ASDURF: variants seen among roughly 807,000 people sequenced by gnomAD.
The protein encoded by ASDURF is ASDURF protein.
In ASDURF, 3 loss-of-function variants were observed where a neutral mutation model predicts 3.3. The ratio of observed to expected loss-of-function variants is 0.92; its 90% CI spans 0.42 to 2.37. The LOEUF (loss-of-function observed/expected upper bound fraction) is 2.37. Ranked by LOEUF, ASDURF falls within the 30% of genes most tolerant of loss-of-function variation. The pLI is 0.05. For missense variants in ASDURF, 23 were observed against 25.4 expected (o/e 0.90, Z 0.21); for synonymous variants, 11 against 8.3 (o/e 1.32, Z -0.55).
rs866862942 is a variant in ASDURF at position 189,662,225 on chromosome 2, G to A, written c.90+615G>A. Reference sequence around the variant, plus strand: ...ACTCATACCAAACTGGGGGAGAGAGGAAGCCAATATAATATAAGCCTTAAC... The same window carrying A: ...ACTCATACCAAACTGGGGGAGAGAGAAAGCCAATATAATATAAGCCTTAAC... On this transcript the variant is annotated intron_variant, in intron 1 of 3. Coordinates refer to ENST00000607829, the MANE Select transcript of ASDURF (RefSeq NM_001353493.2). Among the ~76,000 whole-genome samples the A allele has an allele frequency of 5.1e-4, 78 of 152,276 alleles. No homozygotes were observed. In the Middle Eastern group the frequency reaches 0.01, roughly 20 times the overall value.
intron 3 of ASDURF, among the ~76,000 whole-genome samples, 173 bp downstream of exon 3, chr2:189,665,624 ATATATATATATATATATATATATT>A (rs2032780544): frequency 8.2e-6 from 1 of 121,774 alleles, no homozygotes; most frequent in East Asian, 2.2e-4. Flanking sequence ...ATATATATAT[ATATATATATATATATATATATATT>A]ATAAATGTTT....
At chr2:189,665,629 T>A (rs1050403115) in intron 3 of ASDURF, among the ~76,000 whole-genome samples, 178 bp downstream of exon 3, 8 of 127,570 alleles carry the variant, frequency 6.3e-5, no homozygotes, top group Admixed American at 4.6e-4. Context: ...TATATATATA[T>A]ATATATATAT....
At chr2:189,664,685 G>A (rs1003314703) in intron 2 of ASDURF, among the ~76,000 whole-genome samples, 5 of 151,888 alleles carry the variant, frequency 3.3e-5, no homozygotes, top group Non-Finnish European at 5.9e-5. Flanking sequence ...GGAGGCAGAG[G>A]TTGCAGTGAG....
rs992200259 is a variant in ASDURF, at chr2:189,661,474, G to A, written c.-47G>A. 1.0e-5 allele frequency: 4 copies of A among 399,218 alleles called. No individual in the cohort carries two copies. Among genetic ancestry groups the A allele is most frequent in the Non-Finnish European group, 1.3e-5 (3 of 226,176 alleles). The allele number at this position is 399,218 out of a possible 1,614,324, so 24.7% of individuals were successfully genotyped here. The stretch of plus-strand genomic sequence containing the variant: ...CGCATGCGCTGTGGCTAATGCCGTA[G>A]GCTCCTTCAGGGCTGAGCCATCCCG... On this transcript the variant is annotated 5_prime_UTR_variant, in exon 1 of 4. It removes the in-frame stop codon of an upstream open reading frame in the 5' UTR. Transcript: ENST00000607829.
chr2:189,664,506 T>C (rs1396761177), intron 2 of ASDURF, among the ~76,000 whole-genome samples: 1 of 152,246 alleles, frequency 6.6e-6, no homozygotes, highest in East Asian at 1.9e-4. Context: ...GAAATGAGTT[T>C]GAGCTCTTAA....
chr2:189,665,596 G>GTATA (rs71023704), intron 3 of ASDURF, 145 bp downstream of exon 3: 14 of 111,478 alleles, frequency 1.3e-4, no homozygotes, highest in South Asian at 5.5e-4. Flanking sequence ...ATATATATAT[G>GTATA]TGTATATATA....
At chr2:189,663,253 T>G (rs2105682097) in intron 1 of ASDURF, among the ~76,000 whole-genome samples, 1 of 151,794 alleles carries the variant, frequency 6.6e-6, no homozygotes, top group African/African-American at 2.4e-5. Flanking sequence ...TTTAAATTAT[T>G]TATTTATTTA....
rs545637427 is a variant in ASDURF at position 189,662,888 on chromosome 2, G to T, written c.91-1013G>T. Among the ~76,000 whole-genome samples, 80 of 147,964 alleles carry T rather than the reference G, an allele frequency of 5.4e-4. 2 individuals carry two copies. Among genetic ancestry groups the T allele is most frequent in the African/African-American group, 1.7e-3 (69 of 39,860 alleles). On this transcript the variant is annotated intron_variant, in intron 1 of 3. Transcript: ENST00000607829. ...GCCTGAGCCCGGGAAGATCAAAGCT[G>T]CAGTGAGCCGTGATCGCACCACTGC...
rs1484145711 is a variant in ASDURF at position 189,666,331 on chromosome 2, G to A, written c.*220G>A. The A allele has an allele frequency of 6.8e-6, 11 of 1,613,782 alleles. No individual in the cohort carries two copies. Among genetic ancestry groups the A allele is most frequent in the Non-Finnish European group, 9.3e-6 (11 of 1,179,886 alleles). On this transcript the variant is annotated 3_prime_UTR_variant, in exon 4 of 4. Transcript: ENST00000607829. ...TGTTTTGACTACCCAGCCTGTGGAA[G>A]ATGAAAGAGGCAATGTGTTTCTATG... is the stretch of plus-strand genomic sequence containing the variant.
intron 2 of ASDURF, among the ~76,000 whole-genome samples, chr2:189,664,648 C>T (rs1390632476): frequency 1.3e-5 from 2 of 152,076 alleles, no homozygotes; most frequent in Admixed American, 1.3e-4. Flanking sequence ...ACTCAGGAGG[C>T]CGAGGCACAA....
At chr2:189,663,008 G>A (rs144761781) in intron 1 of ASDURF, among the ~76,000 whole-genome samples, 1 of 148,788 alleles carries the variant, frequency 6.7e-6, no homozygotes, top group Non-Finnish European at 1.5e-5. Context: ...TAGTCATTGA[G>A]ATAAAAAGAG....
In ASDURF at chr2:189,666,125, A is replaced by C. The variant is rs755448805; in HGVS notation, c.*14A>C. The C allele has an allele frequency of 6.5e-7, 1 of 1,530,162 alleles. No homozygotes were observed. Among genetic ancestry groups the C allele is most frequent in the Non-Finnish European group, 8.8e-7 (1 of 1,142,700 alleles). The allele number at this position is 1,530,162 out of a possible 1,614,324, so 94.8% of individuals were successfully genotyped here. A position where few individuals can be genotyped will look rare whatever the true frequency, so the allele number is the denominator to read the frequency against. ...ATCAAGAAATAGTCAACCTGATTTC[A>C]CATAACAATGTGTGGCATTTGTTGT... On this transcript the variant is annotated 3_prime_UTR_variant, in exon 4 of 4. Transcript: ENST00000607829.
chr2:189,664,790 C>T (rs921707764), intron 2 of ASDURF, among the ~76,000 whole-genome samples: 4 of 150,142 alleles, frequency 2.7e-5, no homozygotes, highest in Admixed American at 2.0e-4. Flanking sequence ...TACAGACTTT[C>T]TCTAGAGGGC....
At chr2:189,664,754 A>AT (rs2032746548) in intron 2 of ASDURF, among the ~76,000 whole-genome samples, 1 of 152,218 alleles carries the variant, frequency 6.6e-6, no homozygotes, top group South Asian at 2.1e-4. Context: ...CTCAAAAAAA[A>AT]AAAAAAGAAG....
rs1343807954 is a variant in ASDURF, at chr2:189,666,084, C to G, written c.264C>G (p.Asn88Lys). Residue 88 changes from asparagine (N) to lysine (K), a missense_variant, in exon 4 of 4, where the codon AAC (asparagine) becomes AAG (lysine). Transcript: ENST00000607829. ...ELKKEYQEIE[N>K]LDKTKIKK ...AAAAAGAATACCAAGAAATAGAAAACTTAGACAAGACCAAAATCAAGAAAT... is the reference window on the plus strand; with the variant it reads ...AAAAAGAATACCAAGAAATAGAAAAGTTAGACAAGACCAAAATCAAGAAAT... The G allele has an allele frequency of 6.7e-7, 1 of 1,482,196 alleles. No homozygotes were observed. Among genetic ancestry groups the G allele is most frequent in the Non-Finnish European group, 8.9e-7 (1 of 1,118,104 alleles). The allele number at this position is 1,482,196 out of a possible 1,614,324, so 91.8% of individuals were successfully genotyped here. A position where few individuals can be genotyped will look rare whatever the true frequency, so the allele number is the denominator to read the frequency against.
intron 2 of ASDURF, among the ~76,000 whole-genome samples, chr2:189,664,928 C>T (rs1236870775): frequency 6.6e-6 from 1 of 152,188 alleles, no homozygotes; most frequent in Non-Finnish European, 1.5e-5. Context: ...ATAATCATCA[C>T]AACCTTGATT....
At position 189,666,152 on chromosome 2, in the gene ASDURF, CT is replaced by C; in HGVS notation, c.*42del. 2.5e-6 allele frequency: 4 copies of C among 1,579,776 alleles called. No individual in the cohort carries two copies. In the South Asian group the frequency reaches 4.7e-5, roughly 19 times the overall value. ...ATAACAATGTGTGGCATTTGTTGTTCTGTAAACTTTTCTGCTGAGCATTTCA... is the reference window on the plus strand; with the variant it reads ...ATAACAATGTGTGGCATTTGTTGTTCGTAAACTTTTCTGCTGAGCATTTCA... On this transcript the variant is annotated 3_prime_UTR_variant, in exon 4 of 4. Coordinates refer to ENST00000607829, the MANE Select transcript of ASDURF (RefSeq NM_001353493.2).
chr2:189,665,629 T>TGTATATATATATATATATAC (rs2032781267), intron 3 of ASDURF, among the ~76,000 whole-genome samples, 178 bp downstream of exon 3: 6 of 127,568 alleles, frequency 4.7e-5, no homozygotes, highest in African/African-American at 2.0e-4. Context: ...TATATATATA[T>TGTATATATATATATATATAC]ATATATATAT....
intron 1 of ASDURF, among the ~76,000 whole-genome samples, chr2:189,662,879 A>G (rs571666280): frequency 1.3e-5 from 2 of 150,502 alleles, no homozygotes; most frequent in Non-Finnish European, 3.0e-5. Context: ...GCCCGGGAAG[A>G]TCAAAGCTGC....
Sources: allele counts gnomAD v4.1 joint callset (sites outside exome capture counted in the v4.1 genomes callset), GRCh38; gene constraint gnomAD v4.1.1; transcripts MANE v1.5; gene names NCBI Gene and HGNC (gene_info 2026-07-23, HGNC 2026-07-21).